Variants in MLKL observed in about 807,000 individuals in gnomAD.
The protein encoded by MLKL is mixed lineage kinase domain-like protein.
A neutral mutation model predicts 56.5 loss-of-function variants in MLKL; 55 were observed. The observed-to-expected ratio is 0.97, with a 90% CI of 0.78 to 1.22. The LOEUF is 1.22. Ranked by LOEUF, MLKL falls within the 50% of genes most tolerant of loss-of-function variation. The probability of loss-of-function intolerance (pLI) is 0.00; values close to 1 mark genes in which losing one functional copy is unlikely to be tolerated. For missense variants in MLKL, 694 were observed against 573.9 expected, an observed-to-expected ratio of 1.21 and a Z score of -2.14; for synonymous variants, 251 against 208.3, an observed-to-expected ratio of 1.20 and a Z score of -1.76.
chr16:74,695,318 G>A lies in MLKL; in HGVS notation c.440C>T (p.Ala147Val), dbSNP rs975173255. ...DQQDADEDRR[A>V]FQMLRRDNEK... ...CTTGCCTCTTCTTAGCATCTGGAAA[G>A]CTCGCCTGTCTTCGTCTGCATCCTG... The change falls in exon 2 of 11, where the codon GCT becomes GTT. Residue 147 changes from alanine (A) to valine (V), a missense_variant. By Grantham distance (64) the Ala-to-Val change is moderately conservative. Coordinates refer to ENST00000308807, the MANE Select transcript of MLKL (RefSeq NM_152649.4). 1 of 1,613,682 alleles carries A rather than the reference G, an allele frequency of 6.2e-7. No individual in the cohort carries two copies. Among genetic ancestry groups the A allele is most frequent in the African/African-American group, 1.3e-5 (1 of 74,922 alleles).
At chr16:74,681,898 A>T (rs1487089981) in intron 6 of MLKL, among the ~76,000 whole-genome samples, 1 of 152,184 alleles carries the variant, frequency 6.6e-6, no homozygotes, top group Admixed American at 6.6e-5. Context: ...ATATATATGT[A>T]CAAGCATGCC....
At chr16:74,681,323 G>C (rs1249523212) in intron 6 of MLKL, among the ~76,000 whole-genome samples, 2 of 152,106 alleles carry the variant, frequency 1.3e-5, no homozygotes, top group African/African-American at 2.4e-5. Flanking sequence ...ACTGGGCCAG[G>C]CCTTTATTCC....
At position 74,675,370 on chromosome 16, in the gene MLKL, C is replaced by G; in HGVS notation, c.1225G>C (p.Asp409His). 6.2e-7 allele frequency: 1 copy of G among 1,614,150 alleles called. No homozygotes were observed. Among genetic ancestry groups the G allele is most frequent in the Non-Finnish European group, 8.5e-7 (1 of 1,180,040 alleles). Residue 409 changes from aspartate (D) to histidine (H), a missense_variant, in exon 9 of 11, where the codon GAT becomes CAT. Transcript: ENST00000308807. ...CATTCTTCACCTTGAAACGGGATAT[C>G]TCCAGTGGCGATTTCCCAGAGGACG... is the stretch of plus-strand genomic sequence containing the variant. ...GIVLWEIATG[D>H]IPFQGCNSEK...
Position 74,691,453 on chromosome 16 carries a change from T to G in MLKL, c.546A>C (p.Pro182=), listed in dbSNP as rs760283724. 6.2e-7 allele frequency: 1 copy of G among 1,613,260 alleles called. No individual in the cohort carries two copies. The highest frequency in any genetic ancestry group is 8.5e-7 in the Non-Finnish European group (1 of 1,179,830). The part of the protein sequence containing the change: ...IKETLRQYLP[P]KCMQEIPQEQ... Reference sequence around the variant, plus strand: ...CTTGCGGGATCTCCTGCATGCATTTTGGTGGTAAATCTGACCTCACCCCCG... The same window carrying G: ...CTTGCGGGATCTCCTGCATGCATTTGGGTGGTAAATCTGACCTCACCCCCG... Residue 182 remains proline, a synonymous_variant, in exon 4 of 11, where the codon CCA becomes CCC. Coordinates refer to ENST00000308807, the MANE Select transcript of MLKL (RefSeq NM_152649.4).
At chr16:74,688,102 T>G (rs1004846588) in intron 4 of MLKL, among the ~76,000 whole-genome samples, 16 of 151,446 alleles carry the variant, frequency 1.1e-4, no homozygotes, top group Admixed American at 8.6e-4. Flanking sequence ...AGGATTACAG[T>G]CGTGAGCCAC....
At chr16:74,694,877 T>C (rs1396596054) in intron 2 of MLKL, among the ~76,000 whole-genome samples, 1 of 151,800 alleles carries the variant, frequency 6.6e-6, no homozygotes, top group Non-Finnish European at 1.5e-5. Context: ...TGTTTGTTTG[T>C]TTGTTTGTTT....
At chr16:74,680,390 T>C (rs1000274232) in intron 6 of MLKL, among the ~76,000 whole-genome samples, 1 of 152,230 alleles carries the variant, frequency 6.6e-6, no homozygotes, top group African/African-American at 2.4e-5. Context: ...TAAGGTGGTA[T>C]GCAAGATTAT....
intron 10 of MLKL, among the ~76,000 whole-genome samples, chr16:74,673,795 A>G (rs1323477119): frequency 6.6e-6 from 1 of 152,016 alleles, no homozygotes; most frequent in Admixed American, 6.6e-5. Flanking sequence ...AGACAACAAG[A>G]TAATGCTGCT....
intron 3 of MLKL, among the ~76,000 whole-genome samples, chr16:74,691,853 G>A (rs1960701082): frequency 6.6e-6 from 1 of 152,172 alleles, no homozygotes; most frequent in South Asian, 2.1e-4. Context: ...TAGGGACATA[G>A]TTCAAGCTCA....
chr16:74,677,234 T>C (rs1431418515), intron 7 of MLKL: 2 of 151,976 alleles, frequency 1.3e-5, no homozygotes, highest in African/African-American at 4.8e-5. Flanking sequence ...TTGTATTGTT[T>C]AGTAGAGACA....
intron 5 of MLKL, among the ~76,000 whole-genome samples, chr16:74,683,593 C>CAAAAAAAAA (rs35511363): frequency 8.1e-6 from 1 of 123,316 alleles, no homozygotes; most frequent in Non-Finnish European, 1.7e-5. Flanking sequence ...GACTCTGTCT[C>CAAAAAAAAA]AAAAAAAAAA....
rs1567620129 is a variant in MLKL at position 74,695,496 on chromosome 16, A to T, written c.262T>A (p.Phe88Ile). ...KFSNRSNICR[F>I]LTASQDKILF... ...ATTTTGTCCTGGCTTGCTGTTAGAA[A>T]CCTGCAGATATTGGATCTATTGCTG... The change falls in exon 2 of 11, where the codon TTT (phenylalanine) becomes ATT (isoleucine). Residue 88 changes from phenylalanine to isoleucine, a missense_variant. Physicochemically the swap from Phe to Ile is conservative, Grantham distance 21. Transcript: ENST00000308807. 2 of 1,613,996 alleles carry T rather than the reference A, an allele frequency of 1.2e-6. No individual in the cohort carries two copies. Among genetic ancestry groups the T allele is most frequent in the Admixed American group, 3.3e-5 (2 of 59,998 alleles).
intron 10 of MLKL, among the ~76,000 whole-genome samples, chr16:74,673,893 A>G (rs1272393106): frequency 6.8e-6 from 1 of 147,396 alleles, no homozygotes; most frequent in African/African-American, 2.5e-5. Context: ...GAGTGCCATG[A>G]TCCTACCTGT....
At chr16:74,686,263 G>A (rs540367008) in intron 4 of MLKL, among the ~76,000 whole-genome samples, 6 of 152,126 alleles carry the variant, frequency 3.9e-5, no homozygotes, top group Middle Eastern at 3.4e-3. Flanking sequence ...TGCCCAGCCC[G>A]TGGTGTGTGT....
At chr16:74,689,041 G>A (rs779656706) in intron 4 of MLKL, among the ~76,000 whole-genome samples, 1 of 152,060 alleles carries the variant, frequency 6.6e-6, no homozygotes, top group Non-Finnish European at 1.5e-5. Flanking sequence ...GCTCAGGATG[G>A]TGGTGATAGG....
chr16:74,692,528 C>G, intron 2 of MLKL, 112 bp from the exon 3 acceptor site: 19 of 812,518 alleles, frequency 2.3e-5, no homozygotes, highest in Non-Finnish European at 3.7e-5. Flanking sequence ...CTATCATATT[C>G]ATTATGGTAG....
At chr16:74,695,254 T>C (rs376574127) in intron 2 of MLKL, 44 bp downstream of exon 2, 11 of 1,567,424 alleles carry the variant, frequency 7.0e-6, no homozygotes, top group Non-Finnish European at 9.6e-6. Flanking sequence ...GAGACTAAAA[T>C]GCATTCAACT....
Position 74,672,270 on chromosome 16 carries a change from A to G in MLKL, c.*234T>C. The G allele has an allele frequency of 2.2e-6, 1 of 450,856 alleles. No individual in the cohort carries two copies. Among genetic ancestry groups the G allele is most frequent in the East Asian group, 3.4e-5 (1 of 29,320 alleles). 27.9% of individuals were successfully genotyped at this position (450,856 alleles called of 1,614,324 possible). On this transcript the variant is annotated 3_prime_UTR_variant, in exon 11 of 11. Coordinates refer to ENST00000308807, the MANE Select transcript of MLKL (RefSeq NM_152649.4). ...AAGAGGTGTGGATACCCAGAAAGAT[A>G]CATTTGACAAACCATCTATCAAAGT...
intron 10 of MLKL, among the ~76,000 whole-genome samples, chr16:74,672,967 G>A (rs573366204): frequency 5.3e-5 from 8 of 152,316 alleles, no homozygotes; most frequent in East Asian, 3.9e-4. Context: ...CTGTGGTGGT[G>A]AAGAGAAAGT....
Sources: allele counts gnomAD v4.1 joint callset (sites outside exome capture counted in the v4.1 genomes callset), GRCh38; gene constraint gnomAD v4.1.1; transcripts MANE v1.5; gene names NCBI Gene and HGNC (gene_info 2026-07-23, HGNC 2026-07-21).